The following PIK3R6 variants were observed in gnomAD, a reference collection of about 807,000 sequenced individuals.
The protein encoded by PIK3R6 is phosphoinositide 3-kinase regulatory subunit 6.
A neutral mutation model predicts 84.9 loss-of-function variants in PIK3R6; 91 were observed. That is an observed-to-expected ratio of 1.07 (90% CI 0.90 to 1.28). The LOEUF (loss-of-function observed/expected upper bound fraction) is 1.28, where lower values mean the gene tolerates loss of function less well. PIK3R6 is among the 50% of genes most tolerant of loss of function. The pLI, the probability that PIK3R6 is intolerant of heterozygous loss-of-function variation, is 0.00. For synonymous variants in PIK3R6, 416 were observed against 411.4 expected, an observed-to-expected ratio of 1.01 and a Z score of -0.13; for missense variants, 996 against 985.1, an observed-to-expected ratio of 1.01 and a Z score of -0.15.
Position 8,828,143 on chromosome 17 carries a change from T to C in PIK3R6, c.1361A>G (p.Gln454Arg). The C allele has an allele frequency of 6.2e-7, 1 of 1,613,954 alleles. No individual in the cohort carries two copies. The highest frequency in any genetic ancestry group is 8.5e-7 in the Non-Finnish European group (1 of 1,179,876). ...KFCLTPRLSL[Q>R]LYYIPVLAPE... Reference sequence around the variant, plus strand: ...CGCCAGCACGGGGATGTAGTAGAGCTGCAGGCTGAGTCTGGGAGTGAGGCA... The same window carrying C: ...CGCCAGCACGGGGATGTAGTAGAGCCGCAGGCTGAGTCTGGGAGTGAGGCA... Residue 454 changes from glutamine to arginine, a missense_variant, in exon 12 of 20, where the codon CAG becomes CGG. Coordinates refer to ENST00000619866, the MANE Select transcript of PIK3R6 (RefSeq NM_001010855.4).
At chr17:8,850,811 C>CA (rs2088938311) in intron 1 of PIK3R6, among the ~76,000 whole-genome samples, 1 of 151,790 alleles carries the variant, frequency 6.6e-6, no homozygotes, top group South Asian at 2.1e-4. Flanking sequence ...TTCTTTATAC[C>CA]AAAAAAGAAA....
intron 2 of PIK3R6, among the ~76,000 whole-genome samples, chr17:8,840,298 ATATG>A (rs1402334329): frequency 2.9e-5 from 4 of 140,060 alleles, no homozygotes; most frequent in Non-Finnish European, 3.1e-5. Flanking sequence ...CAGCCTACAA[ATATG>A]TATATGAAAT....
rs146173095 is a variant in PIK3R6, at chr17:8,864,727, C to T, written c.-92+2802G>A. On this transcript the variant is annotated intron_variant, in intron 1 of 19. Coordinates refer to ENST00000619866, the MANE Select transcript of PIK3R6 (RefSeq NM_001010855.4). ...TAATTTGTTGTATTTTTAGTAGAGACGGGGTTTCACCGTGTTGGCCAGGAT... is the reference window on the plus strand; with the variant it reads ...TAATTTGTTGTATTTTTAGTAGAGATGGGGTTTCACCGTGTTGGCCAGGAT... Among the ~76,000 whole-genome samples the T allele has an allele frequency of 9.4e-3, 1,419 of 151,604 alleles. 28 individuals carry two copies. Among genetic ancestry groups the T allele is most frequent in the African/African-American group, 0.033 (1,350 of 41,306 alleles).
chr17:8,849,030 TG>T (rs961771426), intron 2 of PIK3R6, among the ~76,000 whole-genome samples: 7 of 152,122 alleles, frequency 4.6e-5, no homozygotes, highest in Admixed American at 1.3e-4. Context: ...CACATCTTGG[TG>T]GGGGTTGGTC....
intron 8 of PIK3R6, among the ~76,000 whole-genome samples, chr17:8,835,040 G>C (rs577676107): frequency 6.6e-6 from 1 of 152,274 alleles, no homozygotes; most frequent in Admixed American, 6.5e-5. Flanking sequence ...ATTTCGCCAT[G>C]TTGGCCAGGC....
At chr17:8,829,190 CAT>C (rs1171555804) in intron 10 of PIK3R6, among the ~76,000 whole-genome samples, 200 bp from the exon 11 acceptor site, 3 of 128,886 alleles carry the variant, frequency 2.3e-5, no homozygotes, top group African/African-American at 6.6e-5. Context: ...CACAGACAGA[CAT>C]ACACACACGT....
chr17:8,832,439 G>A lies in PIK3R6; in HGVS notation c.802+450C>T, dbSNP rs2088276489. Among the ~76,000 whole-genome samples the A allele has an allele frequency of 3.0e-5, 4 of 131,358 alleles. No homozygotes were observed. In the Admixed American group the frequency reaches 3.6e-4, roughly 12 times the overall value. 86.2% of individuals were successfully genotyped at this position (131,358 alleles called of 152,430 possible). A position where few individuals can be genotyped will look rare whatever the true frequency, so the allele number is the denominator to read the frequency against. On this transcript the variant is annotated intron_variant, in intron 9 of 19. Transcript: ENST00000619866. Reference sequence around the variant, plus strand: ...GCTCTGTCGCCCAGGCTGGAGTACAGTAGTGTGATCTCGGCTCACTGCAAC... The same window carrying A: ...GCTCTGTCGCCCAGGCTGGAGTACAATAGTGTGATCTCGGCTCACTGCAAC...
intron 2 of PIK3R6, among the ~76,000 whole-genome samples, chr17:8,847,659 C>T (rs186146695): frequency 2.2e-4 from 34 of 152,174 alleles, no homozygotes; most frequent in Admixed American, 5.9e-4. Context: ...AAAAAATAGC[C>T]GGACATGGTG....
At chr17:8,831,923 G>A (rs1360487191) in intron 9 of PIK3R6, among the ~76,000 whole-genome samples, 2 of 152,184 alleles carry the variant, frequency 1.3e-5, no homozygotes, top group South Asian at 4.1e-4. Flanking sequence ...TGTCAGGGTA[G>A]GCATTATCTT....
intron 1 of PIK3R6, among the ~76,000 whole-genome samples, chr17:8,860,765 G>A (rs1399187060): frequency 6.6e-6 from 1 of 152,116 alleles, no homozygotes; most frequent in Non-Finnish European, 1.5e-5. Context: ...CTTCCCTGTA[G>A]AAGGGCCATG....
At chr17:8,828,268 C>G in intron 11 of PIK3R6, 78 bp from the exon 12 acceptor site, 1 of 1,457,620 alleles carries the variant, frequency 6.9e-7, no homozygotes, top group South Asian at 1.2e-5. Flanking sequence ...TATTTGTTAT[C>G]TCTTGACCTT....
At chr17:8,819,699 C>A (rs1384991009) in intron 17 of PIK3R6, among the ~76,000 whole-genome samples, 1 of 143,158 alleles carries the variant, frequency 7.0e-6, no homozygotes, top group East Asian at 2.0e-4. Flanking sequence ...TACACACACA[C>A]ACACACACAT....
intron 10 of PIK3R6, among the ~76,000 whole-genome samples, chr17:8,829,242 CAT>C (rs201670433): frequency 0.022 from 3,317 of 151,766 alleles, 88 homozygotes; most frequent in African/African-American, 0.06. Context: ...CACTGAAACA[CAT>C]GCATGCACGC....
At chr17:8,807,958 T>C (rs73973217) in intron 18 of PIK3R6, among the ~76,000 whole-genome samples, 5,760 of 152,112 alleles carry the variant, frequency 0.038, 376 homozygotes, top group African/African-American at 0.13. Flanking sequence ...TGTTAGCACT[T>C]AAAGTCCCAA....
Position 8,810,796 on chromosome 17 carries a change from C to T in PIK3R6, c.1996-6643G>A, listed in dbSNP as rs1461640803. Among the ~76,000 whole-genome samples the T allele has an allele frequency of 2.0e-5, 3 of 148,796 alleles. 1 individual carries two copies. The highest frequency in any genetic ancestry group is 7.5e-5 in the African/African-American group (3 of 39,954). On this transcript the variant is annotated intron_variant, in intron 18 of 19. Coordinates refer to ENST00000619866, the MANE Select transcript of PIK3R6 (RefSeq NM_001010855.4). Reference sequence around the variant, plus strand: ...GTTCCCATGGTCTTGGACAGCTCTGCCCCTATGGCTTTGCAGGGTTCTGCC... The same window carrying T: ...GTTCCCATGGTCTTGGACAGCTCTGTCCCTATGGCTTTGCAGGGTTCTGCC...
At chr17:8,820,204 C>T (rs906550900) in intron 17 of PIK3R6, among the ~76,000 whole-genome samples, 2 of 151,072 alleles carry the variant, frequency 1.3e-5, no homozygotes, top group African/African-American at 4.9e-5. Context: ...TGGTAGGCTT[C>T]GTCCCTCCCT....
Position 8,862,781 on chromosome 17 carries a change from G to A in PIK3R6, c.-92+4748C>T, listed in dbSNP as rs920168528. 1.3e-5 allele frequency among the ~76,000 whole-genome samples: 2 copies of A among 152,046 alleles called. No homozygotes were observed. The highest frequency in any genetic ancestry group is 2.4e-5 in the African/African-American group (1 of 41,384). ...ACAGGACAGCAATACACCATCCTCCGCCCACAGTCAGCAAGACTCCTGGCA... is the reference window on the plus strand; with the variant it reads ...ACAGGACAGCAATACACCATCCTCCACCCACAGTCAGCAAGACTCCTGGCA... On this transcript the variant is annotated intron_variant, in intron 1 of 19. Coordinates refer to ENST00000619866, the MANE Select transcript of PIK3R6 (RefSeq NM_001010855.4). The surrounding 1 kb of genome is among the most constrained non-coding windows in gnomAD (Gnocchi z 4.3).
rs776728261 is a variant in PIK3R6, at chr17:8,838,683, A to G, written c.98-28T>C. 3.2e-6 allele frequency: 5 copies of G among 1,562,044 alleles called. No homozygotes were observed. The East Asian group carries it at 1.2e-4, about 37-fold the overall frequency. On this transcript the variant is annotated intron_variant, in intron 3 of 19. Transcript: ENST00000619866. The stretch of plus-strand genomic sequence containing the variant: ...GGGCCAGGAGAAAGGGGAGCCCGGC[A>G]TGAGCAGGTGGGCAGTTCTTAGAGG...
At chr17:8,840,751 T>G (rs897344618) in intron 2 of PIK3R6, among the ~76,000 whole-genome samples, 22 of 147,748 alleles carry the variant, frequency 1.5e-4, no homozygotes, top group Middle Eastern at 7.1e-3. Flanking sequence ...ATTATTATTT[T>G]TGTGTGTGTG....
Sources: allele counts gnomAD v4.1 joint callset (sites outside exome capture counted in the v4.1 genomes callset), GRCh38; gene constraint gnomAD v4.1.1; non-coding constraint Gnocchi (gnomAD v3.1); transcripts MANE v1.5; gene names NCBI Gene and HGNC (gene_info 2026-07-23, HGNC 2026-07-21).